GABRG3: variants seen among roughly 807,000 people sequenced by gnomAD.
The protein encoded by GABRG3 is gamma-aminobutyric acid type A receptor subunit gamma3, also known as gamma-aminobutyric acid receptor subunit gamma-3.
GABRG3 carries 25 observed loss-of-function variants against 48.8 expected under a neutral mutation model. The observed-to-expected ratio is 0.51, with a 90% CI of 0.37 to 0.72. The LOEUF (loss-of-function observed/expected upper bound fraction) is 0.72. Among genes scored for constraint, GABRG3 ranks in the 30% least tolerant of loss-of-function variants. The pLI, the probability that GABRG3 is intolerant of heterozygous loss-of-function variation, is 0.00. For synonymous variants in GABRG3, 227 were observed against 217.6 expected, an observed-to-expected ratio of 1.04 and a Z score of -0.38; for missense variants, 394 against 577.9, an observed-to-expected ratio of 0.68 and a Z score of 3.26.
intron 3 of GABRG3, among the ~76,000 whole-genome samples, chr15:27,177,275 G>C (rs1887777937): frequency 6.6e-6 from 1 of 152,168 alleles, no homozygotes; most frequent in Non-Finnish European, 1.5e-5. Context: ...GCAAAAGTCT[G>C]AGAAATATCT....
intron 3 of GABRG3, among the ~76,000 whole-genome samples, chr15:27,084,634 C>G (rs1411078454): frequency 6.6e-6 from 1 of 152,220 alleles, no homozygotes; most frequent in Non-Finnish European, 1.5e-5. Flanking sequence ...CCATTATAGT[C>G]AGTAGTTAAC....
At chr15:27,214,496 G>A (rs1889177470) in intron 3 of GABRG3, among the ~76,000 whole-genome samples, 1 of 151,180 alleles carries the variant, frequency 6.6e-6, no homozygotes, top group Admixed American at 6.6e-5. Context: ...TTCAGTTTTG[G>A]GTAAGCTACG....
At chr15:27,415,639 C>G (rs1030941825) in intron 5 of GABRG3, among the ~76,000 whole-genome samples, 2 of 152,078 alleles carry the variant, frequency 1.3e-5, no homozygotes, top group African/African-American at 4.8e-5. Context: ...ACCACCTGTT[C>G]CCCAAAACCT....
At chr15:27,330,731 G>A (rs1464702719) in intron 5 of GABRG3, among the ~76,000 whole-genome samples, 1 of 152,228 alleles carries the variant, frequency 6.6e-6, no homozygotes, top group Non-Finnish European at 1.5e-5. Flanking sequence ...GGAAATACAT[G>A]AAAGTGAATG....
At chr15:27,164,843 C>T (rs1268486438) in intron 3 of GABRG3, among the ~76,000 whole-genome samples, 1 of 152,184 alleles carries the variant, frequency 6.6e-6, no homozygotes, top group African/African-American at 2.4e-5. Flanking sequence ...AATCTGTACA[C>T]ATTCGTTAGT....
At chr15:27,312,692 C>T (rs1944081560) in intron 3 of GABRG3, among the ~76,000 whole-genome samples, 1 of 151,892 alleles carries the variant, frequency 6.6e-6, no homozygotes, top group Non-Finnish European at 1.5e-5. Flanking sequence ...CAAAACTGCC[C>T]TTTAAAAATG....
chr15:27,364,388 T>G (rs1033841133), intron 5 of GABRG3: 6 of 152,590 alleles, frequency 3.9e-5, no homozygotes, highest in African/African-American at 9.6e-5. Context: ...CTCTGGGTAA[T>G]GATGGGCACT....
intron 5 of GABRG3, among the ~76,000 whole-genome samples, chr15:27,374,351 G>A (rs750507391): frequency 1.3e-5 from 2 of 151,762 alleles, no homozygotes; most frequent in Non-Finnish European, 2.9e-5. Context: ...GGCTAGTCTC[G>A]AACTCCTGGA....
intron 3 of GABRG3, among the ~76,000 whole-genome samples, chr15:27,100,972 G>A (rs552439855): frequency 6.6e-6 from 1 of 152,178 alleles, no homozygotes; most frequent in Non-Finnish European, 1.5e-5. Flanking sequence ...GCACCTGCAC[G>A]TGGCAAGAAT....
chr15:27,069,061 G>C (rs925772522), intron 3 of GABRG3, among the ~76,000 whole-genome samples: 2 of 152,148 alleles, frequency 1.3e-5, no homozygotes, highest in African/African-American at 2.4e-5. Context: ...CTAAGAGAAG[G>C]CATGTTTACG....
At chr15:27,316,552 T>C (rs890011847) in intron 3 of GABRG3, among the ~76,000 whole-genome samples, 3 of 152,130 alleles carry the variant, frequency 2.0e-5, no homozygotes, top group Admixed American at 1.3e-4. Context: ...TCAAATAATA[T>C]AGTAACTGCA....
chr15:27,243,032 A>G (rs1009842805), intron 3 of GABRG3, among the ~76,000 whole-genome samples: 1 of 152,210 alleles, frequency 6.6e-6, no homozygotes, highest in South Asian at 2.1e-4. Flanking sequence ...GGTGGGGTGT[A>G]TGGTCAGAGT....
At chr15:27,290,600 AC>A (rs922077040) in intron 3 of GABRG3, among the ~76,000 whole-genome samples, 3 of 152,066 alleles carry the variant, frequency 2.0e-5, no homozygotes, top group African/African-American at 7.2e-5. Context: ...TAGGGAAACA[AC>A]AGAAAGATCA....
At chr15:27,172,085 GC>G (rs1248393798) in intron 3 of GABRG3, among the ~76,000 whole-genome samples, 1 of 152,134 alleles carries the variant, frequency 6.6e-6, no homozygotes, top group Non-Finnish European at 1.5e-5. Flanking sequence ...GAATCCATTT[GC>G]CTGATAACCT....
chr15:27,026,442 A>G (rs371616619), intron 2 of GABRG3, among the ~76,000 whole-genome samples: 1 of 152,230 alleles, frequency 6.6e-6, no homozygotes, highest in Admixed American at 6.5e-5. Context: ...TGCCATAAAA[A>G]TCAGCTTAAG....
chr15:27,068,024 G>T (rs1225996075), intron 3 of GABRG3, among the ~76,000 whole-genome samples: 1 of 152,198 alleles, frequency 6.6e-6, no homozygotes, highest in East Asian at 1.9e-4. Context: ...GCAGAGAAAA[G>T]GAGCACATTA....
chr15:27,448,637 C>T lies in GABRG3; in HGVS notation c.575-32013C>T, dbSNP rs116058000. Among the ~76,000 whole-genome samples the T allele has an allele frequency of 4.2e-3, 639 of 152,140 alleles. 4 individuals carry two copies. The highest frequency in any genetic ancestry group is 0.015 in the African/African-American group (613 of 41,498). On this transcript the variant is annotated intron_variant, in intron 5 of 9. Transcript: ENST00000615808. ...GAAAAGGTAGGGATTTCTGTTATGC[C>T]CTATGTCATAGATTCCACAAGGAAG...
chr15:27,305,247 G>C (rs1041065569), intron 3 of GABRG3, among the ~76,000 whole-genome samples: 2 of 151,390 alleles, frequency 1.3e-5, no homozygotes, highest in Non-Finnish European at 1.5e-5. Flanking sequence ...CTGGAAAACA[G>C]AAAAATTTTA....
rs41288121 is a variant in GABRG3 at position 26,976,986 on chromosome 15, T to C, written c.54-16T>C. The C allele has an allele frequency of 6.9e-4, 1,112 of 1,613,892 alleles. 1 individual carries two copies. Among genetic ancestry groups the C allele is most frequent in the Non-Finnish European group, 8.7e-4 (1,024 of 1,179,846 alleles). On this transcript the variant is annotated splice_polypyrimidine_tract_variant and intron_variant, in intron 1 of 9. Transcript: ENST00000615808. The surrounding 1 kb of genome is among the most constrained non-coding windows in gnomAD (Gnocchi z 7.8). ...TGCTGCCACTTATATGTCGCATTTT[T>C]GTGCTGTAACTCCAGGTCCAGAAAG... is the stretch of plus-strand genomic sequence containing the variant.
Sources: gnomAD v4.1 joint callset for allele counts (sites outside exome capture counted in the v4.1 genomes callset) on GRCh38, gnomAD v4.1.1 for gene constraint, Gnocchi (gnomAD v3.1) non-coding constraint, MANE v1.5 for transcripts, NCBI Gene and HGNC (gene_info 2026-07-23, HGNC 2026-07-21) for gene names.